Variants in MECOM observed in about 807,000 individuals in gnomAD.
MECOM encodes MDS1 and EVI1 complex locus.
A neutral mutation model predicts 116.3 loss-of-function variants in MECOM; 13 were observed. The observed-to-expected ratio is 0.11, with a 90% CI of 0.07 to 0.18. The LOEUF (loss-of-function observed/expected upper bound fraction) is 0.18, where lower values mean the gene tolerates loss of function less well. Ranked by LOEUF, MECOM falls within the 10% of genes least tolerant of loss-of-function variation. The pLI is 1.00. For synonymous variants in MECOM, 528 were observed against 535.2 expected, an observed-to-expected ratio of 0.99 and a Z score of 0.19; for missense variants, 1,299 against 1,509.0, an observed-to-expected ratio of 0.86 and a Z score of 2.31.
intron 1 of MECOM, among the ~76,000 whole-genome samples, chr3:169,422,441 C>G (rs1271030196): frequency 6.6e-6 from 1 of 152,048 alleles, no homozygotes; most frequent in South Asian, 2.1e-4. Flanking sequence ...TATAATACAG[C>G]AAATTACAGA....
intron 1 of MECOM, among the ~76,000 whole-genome samples, chr3:169,661,591 C>A (rs917442244): frequency 2.0e-5 from 3 of 152,110 alleles, no homozygotes; most frequent in Non-Finnish European, 4.4e-5. Flanking sequence ...GGGGAGTGTA[C>A]GAGTGCTTGG....
intron 1 of MECOM, among the ~76,000 whole-genome samples, chr3:169,557,481 A>G (rs1003505671): frequency 5.3e-5 from 8 of 152,206 alleles, no homozygotes; most frequent in African/African-American, 1.9e-4. Flanking sequence ...ACCAATTTGA[A>G]CACCAGAGAT....
intron 1 of MECOM, among the ~76,000 whole-genome samples, chr3:169,521,104 C>T (rs1030181786): frequency 2.0e-5 from 3 of 152,128 alleles, no homozygotes; most frequent in African/African-American, 7.2e-5. Context: ...ATAGGTGAGG[C>T]TGGAGGGATG....
chr3:169,415,032 A>G lies in MECOM; in HGVS notation c.38-33508T>C, dbSNP rs187228165. Among the ~76,000 whole-genome samples, 19 of 152,294 alleles carry G rather than the reference A, an allele frequency of 1.2e-4. No individual in the cohort carries two copies. In the East Asian group the frequency reaches 3.3e-3, roughly 26 times the overall value. On this transcript the variant is annotated intron_variant, in intron 1 of 16. Coordinates refer to ENST00000651503, the MANE Select transcript of MECOM (RefSeq NM_004991.4). ...CATTCAAATTCAGGAAATACAGAGA[A>G]CAACACAAAGATACTCCTTCAGAAG...
chr3:169,661,754 T>C (rs1776313069), intron 1 of MECOM, among the ~76,000 whole-genome samples: 1 of 152,220 alleles, frequency 6.6e-6, no homozygotes, highest in Non-Finnish European at 1.5e-5. Context: ...GAGGCGTGGA[T>C]ACGATACCTA....
At chr3:169,482,436 A>G (rs1056621928) in intron 1 of MECOM, among the ~76,000 whole-genome samples, 6 of 146,600 alleles carry the variant, frequency 4.1e-5, no homozygotes, top group African/African-American at 1.5e-4. Flanking sequence ...GGTTCAAGCC[A>G]TTCTCCTGCC....
Position 169,663,474 on chromosome 3 carries a change from GTCTCTCTCTCTCTCTCTCTCTCTCTC to G in MECOM, c.-128_-103del, listed in dbSNP as rs71166260. On this transcript the variant is annotated 5_prime_UTR_variant, in exon 1 of 17. Coordinates refer to ENST00000651503, the MANE Select transcript of MECOM (RefSeq NM_004991.4). ...CTCTCGCTCCCTCCCTCTCTCTCCT[GTCTCTCTCTCTCTCTCTCTCTCTCTC>G]TCTCTCTCTCTCTCTCTCTCTCTCT... is the stretch of plus-strand genomic sequence containing the variant. 2.4e-4 allele frequency: 136 copies of G among 569,420 alleles called. 1 individual carries two copies. Among genetic ancestry groups the G allele is most frequent in the Middle Eastern group, 2.0e-3 (4 of 1,992 alleles). 35.3% of individuals were successfully genotyped at this position (569,420 alleles called of 1,614,324 possible).
rs190440655 is a variant in MECOM at position 169,353,485 on chromosome 3, G to A, written c.375+27702C>T. The stretch of plus-strand genomic sequence containing the variant: ...AAATGGAGGACAATAAAAAAAGATC[G>A]GTTTTATACAAGTTGCCATATTTTT... On this transcript the variant is annotated intron_variant, in intron 2 of 16. Coordinates refer to ENST00000651503, the MANE Select transcript of MECOM (RefSeq NM_004991.4). Among the ~76,000 whole-genome samples the A allele has an allele frequency of 3.6e-3, 542 of 151,742 alleles. 3 individuals carry two copies. The highest frequency in any genetic ancestry group is 5.6e-3 in the Non-Finnish European group (380 of 67,810).
chr3:169,155,069 A>G (rs542864162), intron 2 of MECOM, among the ~76,000 whole-genome samples: 126 of 152,324 alleles, frequency 8.3e-4, no homozygotes, highest in Non-Finnish European at 1.1e-3. Flanking sequence ...TGATATCTTC[A>G]ATAACAGCTT....
intron 1 of MECOM, among the ~76,000 whole-genome samples, chr3:169,622,413 T>C (rs1436442746): frequency 6.6e-6 from 1 of 152,158 alleles, no homozygotes; most frequent in Non-Finnish European, 1.5e-5. Context: ...TCAGTTCATT[T>C]TTAAACGAAA....
At chr3:169,314,699 A>C (rs1224178355) in intron 2 of MECOM, among the ~76,000 whole-genome samples, 1 of 152,150 alleles carries the variant, frequency 6.6e-6, no homozygotes, top group Non-Finnish European at 1.5e-5. Context: ...GAACTAGGGA[A>C]GAGTAAATGG....
At chr3:169,329,299 A>G (rs529199334) in intron 2 of MECOM, among the ~76,000 whole-genome samples, 1 of 152,356 alleles carries the variant, frequency 6.6e-6, no homozygotes, top group African/African-American at 2.4e-5. Context: ...AAATTATGCT[A>G]TAAGCTTTAA....
chr3:169,126,126 T>C (rs1000510746), intron 5 of MECOM, among the ~76,000 whole-genome samples: 4 of 152,096 alleles, frequency 2.6e-5, no homozygotes, highest in African/African-American at 4.8e-5. Flanking sequence ...GATAATTAGA[T>C]TTCCTTATTG....
chr3:169,161,890 G>A (rs1742899958), intron 2 of MECOM, among the ~76,000 whole-genome samples: 1 of 152,110 alleles, frequency 6.6e-6, no homozygotes, highest in South Asian at 2.1e-4. Context: ...GTGAAAGAGT[G>A]GCCTTGGAAA....
intron 2 of MECOM, among the ~76,000 whole-genome samples, chr3:169,322,074 C>T (rs918876296): frequency 1.3e-5 from 2 of 152,294 alleles, no homozygotes; most frequent in Middle Eastern, 3.4e-3. Flanking sequence ...TGTGGCACCC[C>T]TTGTCAACAC....
chr3:169,095,290 G>GT (rs1313908353), intron 12 of MECOM, 45 bp from the exon 13 acceptor site: 2 of 1,542,556 alleles, frequency 1.3e-6, no homozygotes, highest in Non-Finnish European at 1.8e-6. Context: ...ACATTAAAAG[G>GT]TATTTCTCAA....
chr3:169,446,306 C>T (rs557330244), intron 1 of MECOM, among the ~76,000 whole-genome samples: 1 of 152,202 alleles, frequency 6.6e-6, no homozygotes, highest in East Asian at 1.9e-4. Context: ...GCCAGTCTTT[C>T]CCTTGCTACT....
Position 169,190,703 on chromosome 3 carries a change from T to C in MECOM, c.376-46871A>G, listed in dbSNP as rs115896609. 3.6e-3 allele frequency among the ~76,000 whole-genome samples: 551 copies of C among 152,114 alleles called. 5 individuals carry two copies. The highest frequency in any genetic ancestry group is 0.012 in the African/African-American group (519 of 41,528). Reference sequence around the variant, plus strand: ...TGTCTCCCAAACAGGTGCTAATTATTAATATCTTAATCATGGTGTCTCATC... The same window carrying C: ...TGTCTCCCAAACAGGTGCTAATTATCAATATCTTAATCATGGTGTCTCATC... On this transcript the variant is annotated intron_variant, in intron 2 of 16. Transcript: ENST00000651503.
chr3:169,264,198 A>G (rs918094411), intron 2 of MECOM, among the ~76,000 whole-genome samples: 1 of 152,208 alleles, frequency 6.6e-6, no homozygotes, highest in African/African-American at 2.4e-5. Context: ...ATGGGAAAAT[A>G]AACACTGCTG....
Sources: allele counts gnomAD v4.1 joint callset (sites outside exome capture counted in the v4.1 genomes callset), GRCh38; gene constraint gnomAD v4.1.1; transcripts MANE v1.5; gene names NCBI Gene and HGNC (gene_info 2026-07-23, HGNC 2026-07-21).